Variants in RB1CC1 observed in about 807,000 individuals in gnomAD.
RB1CC1 encodes RB1 inducible coiled-coil 1, also known as RB1-inducible coiled-coil protein 1.
RB1CC1 carries 46 observed loss-of-function variants against 177.5 expected under a neutral mutation model. The observed-to-expected ratio is 0.26, with a 90% CI of 0.20 to 0.33. RB1CC1 has a LOEUF of 0.33. Among genes scored for constraint, RB1CC1 ranks in the 10% least tolerant of loss-of-function variants. The probability of loss-of-function intolerance (pLI) is 1.00; values close to 1 mark genes in which losing one functional copy is unlikely to be tolerated. For synonymous variants in RB1CC1, 666 were observed against 613.6 expected (o/e 1.09, Z -1.26); for missense variants, 1,703 against 1,816.3 (o/e 0.94, Z 1.13).
chr8:52,631,310 A>G (rs1848738095), intron 20 of RB1CC1, among the ~76,000 whole-genome samples: 1 of 152,188 alleles, frequency 6.6e-6, no homozygotes, highest in African/African-American at 2.4e-5. Flanking sequence ...TCTACCAAAA[A>G]TACAAAAAAT....
At chr8:52,701,788 C>G (rs961477321) in intron 1 of RB1CC1, among the ~76,000 whole-genome samples, 1 of 149,230 alleles carries the variant, frequency 6.7e-6, no homozygotes, top group Non-Finnish European at 1.5e-5. Context: ...CTAAAGTCTT[C>G]TTTGAAAAAA....
intron 2 of RB1CC1, among the ~76,000 whole-genome samples, 175 bp downstream of exon 2, chr8:52,686,678 A>G (rs1854301377): frequency 6.6e-6 from 1 of 152,378 alleles, no homozygotes; most frequent in South Asian, 2.1e-4. Flanking sequence ...AACGATAACT[A>G]TAAATAAATT....
At chr8:52,644,143 C>T (rs1257127935) in intron 16 of RB1CC1, among the ~76,000 whole-genome samples, 2 of 151,982 alleles carry the variant, frequency 1.3e-5, no homozygotes, top group East Asian at 1.9e-4. Context: ...AGGAAGATCA[C>T]AATTTGTAAT....
chr8:52,630,701 A>C (rs984289724), intron 20 of RB1CC1, among the ~76,000 whole-genome samples, 173 bp from the exon 21 acceptor site: 1 of 152,156 alleles, frequency 6.6e-6, no homozygotes, highest in African/African-American at 2.4e-5. Context: ...ACCATTAGTA[A>C]ATTTGGTTAG....
Position 52,630,542 on chromosome 8 carries a change from A to G in RB1CC1, c.4441-14T>C. On this transcript the variant is annotated splice_polypyrimidine_tract_variant and intron_variant, in intron 20 of 23. Coordinates refer to ENST00000025008, the MANE Select transcript of RB1CC1 (RefSeq NM_014781.5). Reference sequence around the variant, plus strand: ...GCTCTGAGACATCTAAAAAAAAAAAAAAAGTTTATGAACTTACACAATTTG... The same window carrying G: ...GCTCTGAGACATCTAAAAAAAAAAAGAAAGTTTATGAACTTACACAATTTG... 1 of 1,562,172 alleles carries G rather than the reference A, an allele frequency of 6.4e-7. No homozygotes were observed. Among genetic ancestry groups the G allele is most frequent in the Non-Finnish European group, 8.6e-7 (1 of 1,160,026 alleles).
chr8:52,624,717 CT>C lies in RB1CC1; in HGVS notation c.4706del (p.Lys1569ArgfsTer17). The C allele has an allele frequency of 1.9e-6, 3 of 1,588,384 alleles. No homozygotes were observed. The highest frequency in any genetic ancestry group is 2.7e-5 in the African/African-American group (2 of 74,078). On this transcript the variant is annotated frameshift_variant and splice_region_variant, in exon 23 of 24. Coordinates refer to ENST00000025008, the MANE Select transcript of RB1CC1 (RefSeq NM_014781.5). LOFTEE classifies it high-confidence loss of function. ...VMEKEYCQAK[K>X]AQNRFKVPLG... ...TAGTATCACATGATGTCGTTTTTAC[CT>C]TTTTGGCTTGACAGTATTCTTTTTC...
chr8:52,648,892 C>T (rs148032107), intron 15 of RB1CC1, among the ~76,000 whole-genome samples: 169 of 152,264 alleles, frequency 1.1e-3, no homozygotes, highest in African/African-American at 4.0e-3. Context: ...GACATCATTA[C>T]TCTTGTGCTT....
chr8:52,652,196 G>A (rs1850653048), intron 15 of RB1CC1, among the ~76,000 whole-genome samples: 1 of 152,068 alleles, frequency 6.6e-6, no homozygotes, highest in Non-Finnish European at 1.5e-5. Flanking sequence ...GGCCAAGCAT[G>A]GTGGCTCACG....
intron 15 of RB1CC1, among the ~76,000 whole-genome samples, chr8:52,646,279 A>C (rs1209076711): frequency 6.6e-6 from 1 of 152,058 alleles, no homozygotes; most frequent in Non-Finnish European, 1.5e-5. Flanking sequence ...CCTGGCAACA[A>C]AGTGAGACCC....
intron 7 of RB1CC1, among the ~76,000 whole-genome samples, chr8:52,672,046 T>C (rs942082107): frequency 1.3e-5 from 2 of 152,246 alleles, no homozygotes; most frequent in African/African-American, 4.8e-5. Context: ...CTATGCCCTA[T>C]TCAATGTAGC....
intron 16 of RB1CC1, among the ~76,000 whole-genome samples, chr8:52,643,523 T>C (rs1590948489): frequency 6.6e-6 from 1 of 151,110 alleles, no homozygotes; most frequent in African/African-American, 2.4e-5. Context: ...CAACACAAGA[T>C]CGAGTCTCTA....
intron 1 of RB1CC1, among the ~76,000 whole-genome samples, chr8:52,703,273 C>T (rs1000498927): frequency 6.6e-6 from 1 of 152,116 alleles, no homozygotes; most frequent in Non-Finnish European, 1.5e-5. Context: ...TACTGCATAT[C>T]GGGCTCTAAC....
intron 1 of RB1CC1, among the ~76,000 whole-genome samples, chr8:52,703,981 T>C (rs1181921334): frequency 2.0e-5 from 3 of 152,214 alleles, no homozygotes; most frequent in Non-Finnish European, 4.4e-5. Context: ...TCCTATATGC[T>C]ATCAAAATAA....
At chr8:52,673,624 G>T (rs944892765) in intron 7 of RB1CC1, among the ~76,000 whole-genome samples, 3 of 152,014 alleles carry the variant, frequency 2.0e-5, no homozygotes, top group Non-Finnish European at 1.5e-5. Context: ...TATTGCACTA[G>T]AAATTTTTCC....
intron 7 of RB1CC1, 32 bp downstream of exon 7, chr8:52,673,813 G>A (rs1259418874): frequency 1.9e-6 from 3 of 1,541,544 alleles, no homozygotes; most frequent in Middle Eastern, 1.8e-4. Flanking sequence ...GTAGTAAAAT[G>A]ACAAAACAAA....
At chr8:52,655,740 AAG>A (rs1851032986) in intron 15 of RB1CC1, among the ~76,000 whole-genome samples, 1 of 152,138 alleles carries the variant, frequency 6.6e-6, no homozygotes, top group Non-Finnish European at 1.5e-5. Flanking sequence ...AGGAAAAACA[AAG>A]AGCTCTTTAA....
Position 52,645,741 on chromosome 8 carries a change from T to G in RB1CC1, c.3948A>C (p.Glu1316Asp), listed in dbSNP as rs1291787256. 2 of 1,613,002 alleles carry G rather than the reference T, an allele frequency of 1.2e-6. No individual in the cohort carries two copies. The highest frequency in any genetic ancestry group is 1.7e-6 in the Non-Finnish European group (2 of 1,179,620). Residue 1316 changes from glutamate to aspartate, a missense_variant, in exon 16 of 24, where the codon GAA becomes GAC. By Grantham distance (45) the Glu-to-Asp change is conservative. This residue lies in a region of RB1CC1 where 1,169 missense variants were observed against 1,184.7 expected (regional missense o/e 0.99). Coordinates refer to ENST00000025008, the MANE Select transcript of RB1CC1 (RefSeq NM_014781.5). ...LEEQEKRKNE[E>D]MQNVRTSLIA... Reference sequence around the variant, plus strand: ...TCAAAGATGTTCGAACATTTTGCATTTCTTCATTCTTTCTTTTTTCTTGCT... The same window carrying G: ...TCAAAGATGTTCGAACATTTTGCATGTCTTCATTCTTTCTTTTTTCTTGCT...
chr8:52,633,365 T>C (rs946590848), intron 20 of RB1CC1, among the ~76,000 whole-genome samples: 7 of 152,210 alleles, frequency 4.6e-5, no homozygotes, highest in Non-Finnish European at 1.0e-4. Context: ...TGACCAAAAC[T>C]GATTAAAATC....
intron 21 of RB1CC1, among the ~76,000 whole-genome samples, chr8:52,629,892 C>T (rs1409154335): frequency 6.6e-6 from 1 of 152,082 alleles, no homozygotes; most frequent in Non-Finnish European, 1.5e-5. Context: ...CTCATGTCTC[C>T]CTAAAATGTA....
Sources: allele counts gnomAD v4.1 joint callset (sites outside exome capture counted in the v4.1 genomes callset), GRCh38; gene constraint gnomAD v4.1.1; regional missense constraint gnomAD v4.1.1; transcripts MANE v1.5; gene names NCBI Gene and HGNC (gene_info 2026-07-23, HGNC 2026-07-21).